The following GALNT14 variants were observed in gnomAD, a reference collection of about 807,000 sequenced individuals.
GALNT14 encodes the protein UDP-GalNAc:polypeptide N-acetylgalactosaminyltransferase 14.
In GALNT14, 60 loss-of-function variants were observed where a neutral mutation model predicts 77.5. That is an observed-to-expected ratio of 0.77 (90% confidence interval 0.63 to 0.96). The LOEUF is 0.96. Ranked by LOEUF, GALNT14 falls within the 40% of genes least tolerant of loss-of-function variation. GALNT14 has a pLI of 0.00. For missense variants in GALNT14, 710 were observed against 731.0 expected (o/e 0.97, Z 0.33); for synonymous variants, 280 against 281.7 (o/e 0.99, Z 0.06).
chr2:30,899,971 G>A, the GALNT14 span, among the ~76,000 whole-genome samples: 8 of 152,206 alleles, frequency 5.3e-5, no homozygotes, highest in African/African-American at 1.9e-4. Flanking sequence ...TTATGTGCCA[G>A]ATGCTGTCCT....
At chr2:30,965,063 C>T (rs1261964585) in intron 3 of GALNT14, among the ~76,000 whole-genome samples, 1 of 152,080 alleles carries the variant, frequency 6.6e-6, no homozygotes, top group Non-Finnish European at 1.5e-5. Context: ...TTCATGGGGA[C>T]ATGGAGGTAC....
At chr2:30,945,952 T>A in intron 6 of GALNT14, 82 bp from the exon 7 acceptor site, 1 of 1,141,130 alleles carries the variant, frequency 8.8e-7, no homozygotes, top group South Asian at 1.2e-5. Flanking sequence ...CTCGTGAGGG[T>A]AGGGCCAGAG....
intron 11 of GALNT14, among the ~76,000 whole-genome samples, chr2:30,928,506 TCTC>T (rs1466393514): frequency 6.6e-6 from 1 of 152,132 alleles, no homozygotes; most frequent in Non-Finnish European, 1.5e-5. Context: ...GAAGCCTCAG[TCTC>T]CTCATCTGTA....
chr2:30,908,412 T>G (rs1664202559), downstream of GALNT14, among the ~76,000 whole-genome samples: 1 of 147,088 alleles, frequency 6.8e-6, no homozygotes, highest in Non-Finnish European at 1.5e-5. Flanking sequence ...TATACACCAA[T>G]AACAGACAAA....
At chr2:30,949,257 TG>T (rs1279203475) in intron 6 of GALNT14, among the ~76,000 whole-genome samples, 1 of 152,158 alleles carries the variant, frequency 6.6e-6, no homozygotes, top group Non-Finnish European at 1.5e-5. Context: ...CAATCTGTGC[TG>T]GCTAAAAGAG....
At chr2:30,993,046 C>A in intron 1 of GALNT14, 39 bp from the exon 2 acceptor site, 1 of 1,602,702 alleles carries the variant, frequency 6.2e-7, no homozygotes. Flanking sequence ...GAACGGCTCC[C>A]TGTCCTCCAC....
the GALNT14 span, among the ~76,000 whole-genome samples, chr2:30,899,687 C>T: frequency 6.6e-6 from 1 of 151,864 alleles, no homozygotes; most frequent in Non-Finnish European, 1.5e-5. Flanking sequence ...GAAATAATGT[C>T]GTGCTCAAGT....
rs1244959581 is a variant in GALNT14, at chr2:30,942,238, A to G, written c.894T>C (p.Tyr298=). Residue 298 remains tyrosine (Y), a synonymous_variant, in exon 9 of 15, where the codon TAT becomes TAC. Transcript: ENST00000349752. Reference sequence around the variant, plus strand: ...CACCCCAGATGTCCATGTCCATATCATATTTCCCCAGGTAATCAAACCAAG... The same window carrying G: ...CACCCCAGATGTCCATGTCCATATCGTATTTCCCCAGGTAATCAAACCAAG... ...DKAWFDYLGK[Y]DMDMDIWGGE... The G allele has an allele frequency of 2.5e-6, 4 of 1,613,568 alleles. No individual in the cohort carries two copies. The highest frequency in any genetic ancestry group is 3.4e-6 in the Non-Finnish European group (4 of 1,179,478).
chr2:31,098,445 A>G (rs538680558), intron 1 of GALNT14, among the ~76,000 whole-genome samples: 1 of 152,158 alleles, frequency 6.6e-6, no homozygotes, highest in Non-Finnish European at 1.5e-5. Context: ...TTAATATAAT[A>G]ATCCCTTTAA....
At chr2:31,049,320 G>C (rs1673691304) in intron 1 of GALNT14, among the ~76,000 whole-genome samples, 1 of 152,120 alleles carries the variant, frequency 6.6e-6, no homozygotes, top group Non-Finnish European at 1.5e-5. Flanking sequence ...TTTTGCTCAA[G>C]ACTACCCAGA....
chr2:31,065,165 T>C (rs1674862208), intron 1 of GALNT14: 1 of 152,040 alleles, frequency 6.6e-6, no homozygotes, highest in Non-Finnish European at 1.5e-5. Flanking sequence ...CTTTATTGTC[T>C]ACTCATTGGT....
chr2:30,947,907 T>C (rs1666796769), intron 6 of GALNT14, among the ~76,000 whole-genome samples: 1 of 152,228 alleles, frequency 6.6e-6, no homozygotes, highest in South Asian at 2.1e-4. Flanking sequence ...GAAATGCTCA[T>C]TTTCAATGCA....
At chr2:30,926,299 A>T (rs572828561) in intron 11 of GALNT14, among the ~76,000 whole-genome samples, 244 of 152,272 alleles carry the variant, frequency 1.6e-3, no homozygotes, top group Non-Finnish European at 3.2e-3. Context: ...AAAGAGAAGG[A>T]GAGGGATTCA....
At chr2:30,989,585 A>ATAT (rs1324173690) in intron 2 of GALNT14, among the ~76,000 whole-genome samples, 3 of 87,926 alleles carry the variant, frequency 3.4e-5, no homozygotes, top group Middle Eastern at 5.9e-3. Flanking sequence ...TATATATAAA[A>ATAT]ATATATATAT....
intron 4 of GALNT14, among the ~76,000 whole-genome samples, chr2:30,957,101 C>T (rs967966760): frequency 2.6e-5 from 4 of 152,034 alleles, no homozygotes; most frequent in African/African-American, 9.7e-5. Flanking sequence ...CTTGGCTCCA[C>T]CATTGTGGTT....
intron 1 of GALNT14, among the ~76,000 whole-genome samples, chr2:31,051,042 G>T (rs912377029): frequency 2.0e-5 from 3 of 152,136 alleles, no homozygotes. Flanking sequence ...TTCAGGGCAA[G>T]AAAGTTCGCT....
chr2:31,099,818 A>G (rs1320914782), intron 1 of GALNT14, among the ~76,000 whole-genome samples: 1 of 151,994 alleles, frequency 6.6e-6, no homozygotes, highest in Non-Finnish European at 1.5e-5. Context: ...AATATCTAGT[A>G]GCGCCAGTCA....
At chr2:31,113,693 C>A (rs1437966135) in intron 1 of GALNT14, among the ~76,000 whole-genome samples, 1 of 152,132 alleles carries the variant, frequency 6.6e-6, no homozygotes, top group East Asian at 1.9e-4. Context: ...TGGACAAACA[C>A]CACCACTTTA....
intron 1 of GALNT14, among the ~76,000 whole-genome samples, chr2:31,015,063 G>A (rs1436565901): frequency 1.3e-5 from 2 of 152,154 alleles, no homozygotes; most frequent in Non-Finnish European, 2.9e-5. Flanking sequence ...GCTGAGGTGG[G>A]TGGATCACCT....
Sources: gnomAD v4.1 joint callset for allele counts (sites outside exome capture counted in the v4.1 genomes callset) on GRCh38, gnomAD v4.1.1 for gene constraint, MANE v1.5 for transcripts, NCBI Gene and HGNC (gene_info 2026-07-23, HGNC 2026-07-21) for gene names.